The following SLC5A10 variants were observed in gnomAD, a reference collection of about 807,000 sequenced individuals.
SLC5A10 encodes sodium/mannose cotransporter SLC5A10.
In SLC5A10, 55 loss-of-function variants were observed where a neutral mutation model predicts 68.9. The observed-to-expected ratio is 0.80, with a 90% CI of 0.64 to 1.00. The LOEUF (loss-of-function observed/expected upper bound fraction) is 1.00, where lower values mean the gene tolerates loss of function less well. SLC5A10 is among the 50% of genes least tolerant of loss of function. The pLI is 0.00. For missense variants in SLC5A10, 732 were observed against 819.3 expected (o/e 0.89, Z 1.30); for synonymous variants, 344 against 344.8 (o/e 1.00, Z 0.02).
At chr17:18,983,964 G>T (rs1187784720) in intron 9 of SLC5A10, among the ~76,000 whole-genome samples, 4 of 152,148 alleles carry the variant, frequency 2.6e-5, no homozygotes, top group Non-Finnish European at 5.9e-5. Flanking sequence ...CAACATCCTT[G>T]GCCACTCAAT....
At chr17:18,979,769 CTG>C in intron 9 of SLC5A10, 1 of 1,417,854 alleles carries the variant, frequency 7.1e-7, no homozygotes, top group Non-Finnish European at 9.8e-7. Flanking sequence ...AGAGGGGACT[CTG>C]GAGTAGTCAG....
At chr17:19,016,301 G>A (rs918083072) in intron 11 of SLC5A10, among the ~76,000 whole-genome samples, 15 of 152,048 alleles carry the variant, frequency 9.9e-5, no homozygotes, top group African/African-American at 2.9e-4. Context: ...CCACCTCAGC[G>A]GGCTGGGATT....
chr17:19,013,590 G>GT, intron 10 of SLC5A10, 73 bp downstream of exon 10: 3 of 498,286 alleles, frequency 6.0e-6, no homozygotes, highest in Non-Finnish European at 8.1e-6. Context: ...TATGGGGACT[G>GT]TGGAGGCTGC....
chr17:18,978,188 A>G, intron 9 of SLC5A10: 1 of 1,547,936 alleles, frequency 6.5e-7, no homozygotes, highest in Non-Finnish European at 8.7e-7. Flanking sequence ...CCCCTGGGGG[A>G]GGCCGTTCTC....
Position 18,968,232 on chromosome 17 carries a change from CTG to C in SLC5A10, c.454-814_454-813del, listed in dbSNP as rs573169204. ...CTCAGGAAGCTCCTGGCCCCTGAGGCTGTGTGTTGGGTCATCTCGCATCTCCT... is the reference window on the plus strand; with the variant it reads ...CTCAGGAAGCTCCTGGCCCCTGAGGCTGTGTTGGGTCATCTCGCATCTCCT... On this transcript the variant is annotated intron_variant, in intron 5 of 14. Coordinates refer to ENST00000395645, the MANE Select transcript of SLC5A10 (RefSeq NM_001042450.4). This position sits in a 1 kb window ranked among gnomAD's most constrained non-coding sequence, Gnocchi z 4.1. Among the ~76,000 whole-genome samples the C allele has an allele frequency of 8.1e-4, 124 of 152,324 alleles. No homozygotes were observed. The highest frequency in any genetic ancestry group is 2.8e-3 in the African/African-American group (117 of 41,574).
chr17:19,020,065 A>T, intron 13 of SLC5A10, 90 bp from the exon 14 acceptor site: 1 of 1,458,174 alleles, frequency 6.9e-7, no homozygotes, highest in South Asian at 1.2e-5. Context: ...CTCAGCTGCC[A>T]TCTTGCCATC....
chr17:18,957,296 G>A (rs895991410), intron 1 of SLC5A10, among the ~76,000 whole-genome samples: 3 of 152,100 alleles, frequency 2.0e-5, no homozygotes, highest in South Asian at 4.1e-4. Flanking sequence ...CAGACGTTCC[G>A]ACTCCAGAAT....
intron 9 of SLC5A10, among the ~76,000 whole-genome samples, chr17:18,999,881 T>G (rs2043683648): frequency 6.6e-6 from 1 of 152,246 alleles, no homozygotes; most frequent in Admixed American, 6.5e-5. Context: ...GATCTGTCCC[T>G]GCCCTGGGGC....
chr17:18,978,297 C>T (rs776432523), intron 9 of SLC5A10: 14 of 1,610,574 alleles, frequency 8.7e-6, no homozygotes, highest in Admixed American at 6.7e-5. Context: ...TGGTGCTGGG[C>T]GCTGGCCTGG....
Position 18,969,166 on chromosome 17 carries a change from C to T in SLC5A10, c.559+9C>T. The T allele has an allele frequency of 6.2e-7, 1 of 1,612,426 alleles. No homozygotes were observed. On this transcript the variant is annotated intron_variant, in intron 6 of 14. Transcript: ENST00000395645. Reference sequence around the variant, plus strand: ...CCTGTACACCATCGCAGGTATGGTGCCTGCAGCAGGGAGGTCCACCCAGGG... The same window carrying T: ...CCTGTACACCATCGCAGGTATGGTGTCTGCAGCAGGGAGGTCCACCCAGGG...
intron 9 of SLC5A10, among the ~76,000 whole-genome samples, chr17:18,993,999 A>G (rs1184848759): frequency 6.6e-6 from 1 of 152,126 alleles, no homozygotes; most frequent in South Asian, 2.1e-4. Flanking sequence ...CCAGACCCAC[A>G]GCTCCCTCTG....
At chr17:19,007,906 T>G (rs1347172546) in intron 9 of SLC5A10, among the ~76,000 whole-genome samples, 1 of 134,816 alleles carries the variant, frequency 7.4e-6, no homozygotes, top group Non-Finnish European at 1.5e-5. Context: ...GAAGAAAAAT[T>G]GCAATTCAGG....
chr17:18,957,968 G>A (rs1032108371), intron 1 of SLC5A10, among the ~76,000 whole-genome samples: 2 of 152,192 alleles, frequency 1.3e-5, no homozygotes, highest in Non-Finnish European at 2.9e-5. Flanking sequence ...TCATATAAAT[G>A]GAATCATACA....
intron 8 of SLC5A10, chr17:18,976,532 C>T (rs2042984614): frequency 5.9e-6 from 2 of 339,616 alleles, no homozygotes; most frequent in East Asian, 5.6e-5. Context: ...CCCCATACCA[C>T]CCCACCCAGG....
At chr17:18,979,493 C>T (rs1422382840) in intron 9 of SLC5A10, 2 of 1,598,930 alleles carry the variant, frequency 1.3e-6, no homozygotes, top group Admixed American at 1.7e-5. Context: ...AGGGCAGAAG[C>T]CAGTTGGGAG....
intron 4 of SLC5A10, 28 bp downstream of exon 4, chr17:18,959,691 G>A: frequency 6.2e-7 from 1 of 1,611,482 alleles, no homozygotes; most frequent in Non-Finnish European, 8.5e-7. Flanking sequence ...GCCTCCAGCT[G>A]GGGGGCTGGG....
intron 9 of SLC5A10, among the ~76,000 whole-genome samples, chr17:19,007,730 C>T (rs950051972): frequency 1.3e-5 from 2 of 152,160 alleles, no homozygotes; most frequent in African/African-American, 4.8e-5. Flanking sequence ...TCATCCTCTT[C>T]GAGGTGTCTT....
chr17:18,950,743 T>A, upstream of SLC5A10: 3 of 932,826 alleles, frequency 3.2e-6, no homozygotes, highest in African/African-American at 1.8e-5. Flanking sequence ...TGAGATGGAG[T>A]CTCCCTCTGT....
chr17:18,991,345 C>T (rs1198583218), intron 9 of SLC5A10, among the ~76,000 whole-genome samples: 1 of 152,236 alleles, frequency 6.6e-6, no homozygotes, highest in Non-Finnish European at 1.5e-5. Flanking sequence ...CCTTGGCTTC[C>T]CCATCTGTCA....
Sources: allele counts gnomAD v4.1 joint callset (sites outside exome capture counted in the v4.1 genomes callset), GRCh38; gene constraint gnomAD v4.1.1; non-coding constraint Gnocchi (gnomAD v3.1); transcripts MANE v1.5; gene names NCBI Gene and HGNC (gene_info 2026-07-23, HGNC 2026-07-21).